ZNG1A: variants seen among roughly 807,000 people sequenced by gnomAD.
The protein encoded by ZNG1A is zinc-regulated GTPase metalloprotein activator 1A.
chr9:171,179 T>A, the ZNG1A span, among the ~76,000 whole-genome samples: 1 of 152,110 alleles, frequency 6.6e-6, no homozygotes, highest in Non-Finnish European at 1.5e-5. Flanking sequence ...GGGGATGATG[T>A]TATTATGTAA....
At chr9:125,219 TA>T in the ZNG1A span, among the ~76,000 whole-genome samples, 3 of 151,434 alleles carry the variant, frequency 2.0e-5, no homozygotes, top group African/African-American at 7.3e-5. Context: ...CAACATCTAC[TA>T]TTTTTTTGAT....
chr9:143,768 G>C, the ZNG1A span, among the ~76,000 whole-genome samples: 1 of 110,196 alleles, frequency 9.1e-6, no homozygotes, highest in African/African-American at 4.1e-5. Context: ...CCTGTTTGCA[G>C]ATGACATGAT....
At chr9:153,157 G>A in the ZNG1A span, 1 of 151,796 alleles carries the variant, frequency 6.6e-6, no homozygotes, top group East Asian at 1.9e-4. Flanking sequence ...TAAAAGTCAA[G>A]TAATAATTAT....
chr9:130,621 TG>T, the ZNG1A span, among the ~76,000 whole-genome samples: 1 of 129,488 alleles, frequency 7.7e-6, no homozygotes, highest in African/African-American at 3.1e-5. Flanking sequence ...TTTGCAGAAA[TG>T]GGGTTTCACC....
chr9:147,011 C>T, the ZNG1A span: 2 of 150,848 alleles, frequency 1.3e-5, no homozygotes, highest in South Asian at 2.1e-4. Flanking sequence ...AACCCTGTCT[C>T]TACCAAAAAT....
the ZNG1A span, among the ~76,000 whole-genome samples, chr9:156,165 AT>A: frequency 6.9e-6 from 1 of 144,790 alleles, no homozygotes; most frequent in Admixed American, 7.0e-5. Context: ...ATATATATAT[AT>A]ATATAAAATC....
chr9:148,558 T>G, the ZNG1A span: 1 of 110,008 alleles, frequency 9.1e-6, no homozygotes, highest in African/African-American at 3.5e-5. Context: ...ATGAGATCTT[T>G]TCCAAAGCAT....
the ZNG1A span, among the ~76,000 whole-genome samples, chr9:138,421 A>C: frequency 8.1e-6 from 1 of 123,252 alleles, no homozygotes; most frequent in Non-Finnish European, 1.7e-5. Context: ...AACTACATGC[A>C]AATTTAATTT....
the ZNG1A span, chr9:146,975 C>T: frequency 6.6e-6 from 1 of 151,254 alleles, no homozygotes; most frequent in African/African-American, 2.4e-5. Context: ...AGATCAAGAC[C>T]ATCCTGGCCA....
At chr9:159,442 C>T in the ZNG1A span, among the ~76,000 whole-genome samples, 1 of 151,998 alleles carries the variant, frequency 6.6e-6, no homozygotes, top group Non-Finnish European at 1.5e-5. Flanking sequence ...CTTACCACCC[C>T]CTCTCAAAAA....
chr9:135,621 A>C, the ZNG1A span, among the ~76,000 whole-genome samples: 1 of 98,410 alleles, frequency 1.0e-5, no homozygotes, highest in Non-Finnish European at 1.8e-5. Flanking sequence ...TCAACATGGC[A>C]TAACAAATTA....
At chr9:178,394 T>C in the ZNG1A span, among the ~76,000 whole-genome samples, 1 of 150,692 alleles carries the variant, frequency 6.6e-6, no homozygotes, top group African/African-American at 2.4e-5. Context: ...GCCCCACGTG[T>C]CGGGCATTTT....
the ZNG1A span, chr9:122,177 T>G: frequency 6.6e-7 from 1 of 1,505,242 alleles, no homozygotes; most frequent in East Asian, 2.3e-5. Flanking sequence ...ATGGATTAAT[T>G]ACTGATATTC....
At chr9:145,717 A>T in the ZNG1A span, among the ~76,000 whole-genome samples, 54 of 151,432 alleles carry the variant, frequency 3.6e-4, no homozygotes, top group Non-Finnish European at 6.5e-4. Context: ...AATAAATTTT[A>T]AAAAAAACTC....
At chr9:146,876 A>G in the ZNG1A span, 1 of 151,968 alleles carries the variant, frequency 6.6e-6, no homozygotes, top group African/African-American at 2.4e-5. Flanking sequence ...ACATAAGCCC[A>G]GAAAACCACA....
At chr9:140,016 CCA>C in the ZNG1A span, among the ~76,000 whole-genome samples, 1 of 150,480 alleles carries the variant, frequency 6.6e-6, no homozygotes, top group Non-Finnish European at 1.5e-5. Context: ...GGTCCCACGC[CCA>C]CAGAGTCTCG....
the ZNG1A span, among the ~76,000 whole-genome samples, chr9:157,671 C>A: frequency 1.2e-3 from 184 of 147,854 alleles, no homozygotes; most frequent in African/African-American, 4.3e-3. Context: ...TAATTGAACA[C>A]ACACCCATCA....
chr9:129,330 G>C, the ZNG1A span, among the ~76,000 whole-genome samples: 1 of 151,828 alleles, frequency 6.6e-6, no homozygotes, highest in African/African-American at 2.4e-5. Context: ...AGTACAAGCA[G>C]ACTAAAAAAA....
chr9:156,615 C>G, the ZNG1A span: 5 of 1,310,410 alleles, frequency 3.8e-6, no homozygotes, highest in East Asian at 1.2e-4. Context: ...GAGACATTTT[C>G]TTGCATCTAA....
Sources: allele counts gnomAD v4.1 joint callset (sites outside exome capture counted in the v4.1 genomes callset), GRCh38; gene constraint gnomAD v4.1.1; transcripts MANE v1.5; gene names NCBI Gene and HGNC (gene_info 2026-07-23, HGNC 2026-07-21).